Variants in MYH16 observed in about 807,000 individuals in gnomAD.
MYH16 encodes the protein putative uncharacterized protein MYH16.
intron 28 of MYH16, among the ~76,000 whole-genome samples, chr7:99,286,802 A>C (rs1347288072): frequency 1.3e-5 from 2 of 151,818 alleles, no homozygotes; most frequent in Non-Finnish European, 2.9e-5. Flanking sequence ...CTCAAAAAAA[A>C]AATTAGCTGG....
At chr7:99,281,535 CTGGG>C (rs1226592056) in intron 23 of MYH16, among the ~76,000 whole-genome samples, 3 of 152,318 alleles carry the variant, frequency 2.0e-5, no homozygotes, top group East Asian at 3.9e-4. Context: ...GCACTCCAGC[CTGGG>C]TGACAGCGAG....
chr7:99,305,510 G>C (rs1562788847), intron 40 of MYH16: 1 of 152,306 alleles, frequency 6.6e-6, no homozygotes, highest in Non-Finnish European at 1.5e-5. Flanking sequence ...AGGCTCAAGA[G>C]AAAGTGTCTG....
chr7:99,287,551 A>AT lies in MYH16; in HGVS notation n.3461-341_3461-340insT, dbSNP rs1188970521. ...TTCTTCTCAAAAAAAAAAAAAAAAA[A>AT]AAAAGGCATCAGTCATTAGCTTAGG... On this transcript the variant is annotated intron_variant and non_coding_transcript_variant, in intron 28 of 41. Transcript: ENST00000439784. Among the ~76,000 whole-genome samples, 34 of 151,372 alleles carry AT rather than the reference A, an allele frequency of 2.2e-4. No homozygotes were observed. In the East Asian group the frequency reaches 4.1e-3, roughly 18 times the overall value.
chr7:99,296,194 G>C lies in MYH16; in HGVS notation n.4283-507G>C, dbSNP rs150404709. Among the ~76,000 whole-genome samples the C allele has an allele frequency of 3.9e-3, 570 of 148,026 alleles. 4 individuals carry two copies. The highest frequency in any genetic ancestry group is 0.013 in the African/African-American group (539 of 40,342). Reference sequence around the variant, plus strand: ...AAGTCCTAAAACTCAAAAAGATTTTGCTACCCCACGAAAGAAACAAAGCAA... The same window carrying C: ...AAGTCCTAAAACTCAAAAAGATTTTCCTACCCCACGAAAGAAACAAAGCAA... On this transcript the variant is annotated intron_variant and non_coding_transcript_variant, in intron 33 of 41. Transcript: ENST00000439784.
chr7:99,241,202 G>C (rs1308135395), intron 1 of MYH16, among the ~76,000 whole-genome samples: 1 of 152,230 alleles, frequency 6.6e-6, no homozygotes, highest in Non-Finnish European at 1.5e-5. Context: ...TAAAGGCCAA[G>C]TTCTCCATTC....
In MYH16 at chr7:99,254,472, C is replaced by T. The variant is rs541118927; in HGVS notation, n.892+647C>T. ...ACCTGCTGCCTCTGAGTCTGATACT[C>T]GGGCACCAGCACAGGGATCAGCCCA... On this transcript the variant is annotated intron_variant and non_coding_transcript_variant, in intron 8 of 41. Coordinates refer to ENST00000439784, the Ensembl canonical transcript of MYH16. Among the ~76,000 whole-genome samples, 3 of 152,296 alleles carry T rather than the reference C, an allele frequency of 2.0e-5. 1 individual carries two copies. The highest frequency in any genetic ancestry group is 7.2e-5 in the African/African-American group (3 of 41,558).
intron 32 of MYH16, among the ~76,000 whole-genome samples, chr7:99,292,820 C>T (rs1036326453): frequency 6.6e-6 from 1 of 151,974 alleles, no homozygotes; most frequent in South Asian, 2.1e-4. Flanking sequence ...ATTAGCCAGG[C>T]ATGGTGGCAC....
chr7:99,297,192 G>A (rs1792513155), intron 34 of MYH16, among the ~76,000 whole-genome samples: 1 of 152,138 alleles, frequency 6.6e-6, no homozygotes, highest in South Asian at 2.1e-4. Flanking sequence ...AGCACTTTGG[G>A]AGGCTGAGGC....
At chr7:99,282,815 G>C (rs1792217963) in intron 23 of MYH16, among the ~76,000 whole-genome samples, 1 of 141,118 alleles carries the variant, frequency 7.1e-6, no homozygotes, top group African/African-American at 3.1e-5. Context: ...GAGTGACAGA[G>C]GAAGATCCTA....
intron 3 of MYH16, among the ~76,000 whole-genome samples, chr7:99,248,261 C>T (rs1489162241): frequency 6.6e-6 from 1 of 152,166 alleles, no homozygotes; most frequent in African/African-American, 2.4e-5. Flanking sequence ...GCCACCACAC[C>T]CAGCTAATTT....
At chr7:99,303,731 G>C (rs1352222458) in intron 39 of MYH16, among the ~76,000 whole-genome samples, 1 of 152,226 alleles carries the variant, frequency 6.6e-6, no homozygotes, top group Admixed American at 6.5e-5. Context: ...GAACCCAGGA[G>C]TTTGAGGTTG....
intron 24 of MYH16, 109 bp downstream of exon 6, chr7:99,283,760 G>A (rs550328285): frequency 4.1e-5 from 18 of 436,206 alleles, no homozygotes; most frequent in Non-Finnish European, 6.5e-5. Context: ...CCCCCGGGGC[G>A]TGAGGGCCCT....
At chr7:99,277,916 T>TGAGAGA (rs36065407) in intron 21 of MYH16, among the ~76,000 whole-genome samples, 1 of 132,224 alleles carries the variant, frequency 7.6e-6, no homozygotes, top group South Asian at 2.5e-4. Context: ...TGTGTGTGTG[T>TGAGAGA]GAGAGAGAGA....
intron 5 of MYH16, among the ~76,000 whole-genome samples, chr7:99,250,851 G>T (rs541556977): frequency 1.3e-5 from 2 of 152,164 alleles, no homozygotes; most frequent in Non-Finnish European, 2.9e-5. Context: ...GTGGCTGCCC[G>T]TGTCCCCAGG....
chr7:99,239,458 C>A (rs753929183), intron 1 of MYH16, among the ~76,000 whole-genome samples: 130 of 152,190 alleles, frequency 8.5e-4, no homozygotes, highest in Non-Finnish European at 1.1e-3. Context: ...GCACAGAACA[C>A]CCTGGCTCAC....
intron 32 of MYH16, among the ~76,000 whole-genome samples, chr7:99,292,758 G>A (rs995587162): frequency 2.0e-5 from 3 of 152,128 alleles, no homozygotes; most frequent in Non-Finnish European, 4.4e-5. Context: ...CCAGAAGTTC[G>A]AGGCCAGCCC....
intron 34 of MYH16, 51 bp downstream of exon 15, chr7:99,296,968 C>A: frequency 2.2e-6 from 1 of 447,172 alleles, no homozygotes; most frequent in Middle Eastern, 4.2e-4. Flanking sequence ...GGGGACACAG[C>A]CAGAGTCCCC....
At chr7:99,258,630 G>A (rs893089575) in intron 11 of MYH16, among the ~76,000 whole-genome samples, 3 of 152,148 alleles carry the variant, frequency 2.0e-5, no homozygotes, top group Non-Finnish European at 1.5e-5. Context: ...GTGGTGTGCT[G>A]AAGCCAGCCT....
intron 37 of MYH16, among the ~76,000 whole-genome samples, chr7:99,301,059 G>T (rs1792586270): frequency 6.6e-6 from 1 of 151,888 alleles, no homozygotes; most frequent in African/African-American, 2.4e-5. Flanking sequence ...GCCAGGTGTG[G>T]TGGCAGGCAC....
Sources: allele counts gnomAD v4.1 joint callset (sites outside exome capture counted in the v4.1 genomes callset), GRCh38; gene constraint gnomAD v4.1.1; transcripts MANE v1.5; gene names NCBI Gene and HGNC (gene_info 2026-07-23, HGNC 2026-07-21).